UNC79: variants seen among roughly 807,000 people sequenced by gnomAD.
UNC79 encodes unc-79 subunit of NALCN channel complex, also known as protein unc-79 homolog.
UNC79 carries 37 observed loss-of-function variants against 283.1 expected under a neutral mutation model. The observed-to-expected ratio is 0.13, with a 90% CI of 0.10 to 0.17. The LOEUF (loss-of-function observed/expected upper bound fraction) is 0.17, where lower values mean the gene tolerates loss of function less well. UNC79 is among the 10% of genes least tolerant of loss of function. The probability of loss-of-function intolerance (pLI) is 1.00; values close to 1 mark genes in which losing one functional copy is unlikely to be tolerated. For synonymous variants in UNC79, 1,107 were observed against 1,200.2 expected, an observed-to-expected ratio of 0.92 and a Z score of 1.61; for missense variants, 2,272 against 3,211.1, an observed-to-expected ratio of 0.71 and a Z score of 7.07.
At chr14:93,635,627 TAGAG>T (rs143718849) in intron 31 of UNC79, among the ~76,000 whole-genome samples, 30 of 151,640 alleles carry the variant, frequency 2.0e-4, no homozygotes, top group African/African-American at 6.0e-4. Flanking sequence ...TCATTATTCT[TAGAG>T]AGAGAGAGAG....
chr14:93,621,481 C>T lies in UNC79; in HGVS notation c.4388-140C>T, dbSNP rs2067128569. On this transcript the variant is annotated intron_variant, in intron 29 of 48. Transcript: ENST00000555664. This position sits in a 1 kb window ranked among gnomAD's most constrained non-coding sequence, Gnocchi z 4.8. ...GAAATTAGAACGAACCTTACAAAAA[C>T]TTGGCCAGAAAGTTCGTTTTCCCTC... 3.6e-6 allele frequency: 4 copies of T among 1,117,674 alleles called. No individual in the cohort carries two copies. The East Asian group carries it at 1.1e-4, about 31-fold the overall frequency. The allele number at this position is 1,117,674 out of a possible 1,614,324, so 69.2% of individuals were successfully genotyped here.
At chr14:93,550,435 A>T (rs1280936753) in intron 14 of UNC79, among the ~76,000 whole-genome samples, 1 of 148,142 alleles carries the variant, frequency 6.8e-6, no homozygotes, top group African/African-American at 2.5e-5. Flanking sequence ...GAATTGCTTG[A>T]ACTCGGGAGG....
At chr14:93,444,469 G>C (rs2056405014) in intron 1 of UNC79, among the ~76,000 whole-genome samples, 1 of 151,940 alleles carries the variant, frequency 6.6e-6, no homozygotes. Context: ...TTTATCATTT[G>C]CACTTTTGGT....
At chr14:93,463,772 A>T (rs56016426) in intron 1 of UNC79, among the ~76,000 whole-genome samples, 4,488 of 152,246 alleles carry the variant, frequency 0.029, 235 homozygotes, top group African/African-American at 0.1. Flanking sequence ...CAGATGAGGA[A>T]ATTGGGCTTA....
At chr14:93,430,159 T>C (rs1216786373), upstream of UNC79, among the ~76,000 whole-genome samples, 2 of 152,186 alleles carry the variant, frequency 1.3e-5, no homozygotes, top group East Asian at 1.9e-4. This position sits in a 1 kb window ranked among gnomAD's most constrained non-coding sequence, Gnocchi z 4.6. Context: ...ACCTGGGGTC[T>C]TCCTGTCTTC....
rs116333785 is a variant in UNC79, at chr14:93,677,982, T to G, written c.6741+4527T>G. 9.0e-3 allele frequency among the ~76,000 whole-genome samples: 1,371 copies of G among 152,296 alleles called. 24 individuals are homozygous for G. Among genetic ancestry groups the G allele is most frequent in the African/African-American group, 0.031 (1,288 of 41,560 alleles). ...TTTCTAGGGTTTCTCAGTTGCTTTT[T>G]TTCTTGCCCTTGACTGCCTGGGTCC... On this transcript the variant is annotated intron_variant, in intron 41 of 48. Coordinates refer to ENST00000555664, the Ensembl canonical transcript of UNC79.
chr14:93,587,347 G>A (rs949888722), intron 22 of UNC79, among the ~76,000 whole-genome samples: 3 of 152,094 alleles, frequency 2.0e-5, no homozygotes, highest in Admixed American at 6.5e-5. Context: ...GAGACATTTT[G>A]AAAATTATAA....
In UNC79 at chr14:93,469,199, G is replaced by A. The variant is rs142861451; in HGVS notation, c.143+1408G>A. On this transcript the variant is annotated intron_variant, in intron 2 of 48. Transcript: ENST00000555664. ...GGAATTTAAAATATTGAAAAGTCAC[G>A]TTTGCAAGACGTAAAGATTCCATTT... Among the ~76,000 whole-genome samples, 334 of 152,208 alleles carry A rather than the reference G, an allele frequency of 2.2e-3. 3 individuals are homozygous for A. Among genetic ancestry groups the A allele is most frequent in the Middle Eastern group, 3.4e-3 (1 of 294 alleles).
chr14:93,414,632 T>C (rs2055412526), intron 1 of UNC79, among the ~76,000 whole-genome samples: 1 of 152,242 alleles, frequency 6.6e-6, no homozygotes. Context: ...ATGGCCATTT[T>C]CACAATATTG....
intron 1 of UNC79, among the ~76,000 whole-genome samples, chr14:93,377,915 G>T (rs1048854780): frequency 1.3e-5 from 2 of 152,128 alleles, no homozygotes; most frequent in African/African-American, 4.8e-5. Flanking sequence ...CCTGCCGTGT[G>T]GTCTGTTTTT....
At chr14:93,493,874 C>CATATATATATAT (rs140201851) in intron 5 of UNC79, among the ~76,000 whole-genome samples, 10 of 76,690 alleles carry the variant, frequency 1.3e-4, no homozygotes, top group South Asian at 1.4e-3. Flanking sequence ...GGAAGTGCCA[C>CATATATATATAT]ATATATATAT....
chr14:93,346,785 G>T lies in UNC79; in HGVS notation c.-351+13262G>T, dbSNP rs78399310. Reference sequence around the variant, plus strand: ...GGTGCCAAGTCCCTCACCTTACCCTGCAGAAAAGAGATACTTAGTGTGAGG... The same window carrying T: ...GGTGCCAAGTCCCTCACCTTACCCTTCAGAAAAGAGATACTTAGTGTGAGG... On this transcript the variant is annotated intron_variant, in intron 1 of 49. Transcript: ENST00000256339. Among the ~76,000 whole-genome samples, 744 of 152,242 alleles carry T rather than the reference G, an allele frequency of 4.9e-3. 22 individuals are homozygous for T. The highest frequency in any genetic ancestry group is 0.02 in the East Asian group (101 of 5,172).
intron 1 of UNC79, among the ~76,000 whole-genome samples, chr14:93,378,670 C>T (rs961092269): frequency 6.6e-5 from 10 of 152,148 alleles, no homozygotes; most frequent in African/African-American, 2.4e-4. Context: ...ATTTTAATTG[C>T]AGCCCATCAC....
chr14:93,459,830 C>T (rs1383605747), intron 1 of UNC79, among the ~76,000 whole-genome samples: 1 of 52,116 alleles, frequency 1.9e-5, no homozygotes, highest in African/African-American at 8.2e-5. Context: ...ACCACCACGC[C>T]CGGCTAATTT....
Position 93,621,982 on chromosome 14 carries a change from A to G in UNC79, c.4749A>G (p.Leu1583=), listed in dbSNP as rs772681226. 1.9e-6 allele frequency: 3 copies of G among 1,614,092 alleles called. No homozygotes were observed. Among genetic ancestry groups the G allele is most frequent in the Non-Finnish European group, 2.5e-6 (3 of 1,180,016 alleles). ...GGCCTGTCATACCAGAGGTTAGGTT[A>G]AACTGTATGGAGACTTTCGAGGTGA... The change falls in exon 30 of 49, where the codon TTA becomes TTG. Residue 1583 remains leucine, a synonymous_variant. Transcript: ENST00000555664. This position sits in a 1 kb window ranked among gnomAD's most constrained non-coding sequence, Gnocchi z 4.8.
intron 5 of UNC79, among the ~76,000 whole-genome samples, chr14:93,493,192 G>A (rs149707027): frequency 6.6e-6 from 1 of 152,108 alleles, no homozygotes; most frequent in South Asian, 2.1e-4. Context: ...GCCTACAAGG[G>A]GGGGCGGTTC....
chr14:93,357,714 T>TGG (rs1173349449), intron 1 of UNC79, among the ~76,000 whole-genome samples: 18 of 125,012 alleles, frequency 1.4e-4, no homozygotes, highest in African/African-American at 3.8e-4. Context: ...TATATATATA[T>TGG]ATATATGGAT....
intron 14 of UNC79, among the ~76,000 whole-genome samples, chr14:93,554,770 T>C (rs2062075256): frequency 6.6e-6 from 1 of 152,258 alleles, no homozygotes; most frequent in Non-Finnish European, 1.5e-5. Flanking sequence ...ATATTCTATC[T>C]TTCTTTTAAC....
At chr14:93,396,153 T>C (rs2140017849) in intron 1 of UNC79, among the ~76,000 whole-genome samples, 2 of 152,216 alleles carry the variant, frequency 1.3e-5, no homozygotes, top group Middle Eastern at 6.8e-3. Flanking sequence ...TTTTTCTGTC[T>C]GCTGAAATCT....
Sources: allele counts gnomAD v4.1 joint callset (sites outside exome capture counted in the v4.1 genomes callset), GRCh38; gene constraint gnomAD v4.1.1; non-coding constraint Gnocchi (gnomAD v3.1); transcripts MANE v1.5; gene names NCBI Gene and HGNC (gene_info 2026-07-23, HGNC 2026-07-21).